TMEM132C: variants seen among roughly 807,000 people sequenced by gnomAD.
TMEM132C encodes the protein transmembrane protein 132C, also known as protein phosphatase 1, regulatory subunit 152.
In TMEM132C, 29 loss-of-function variants were observed where a neutral mutation model predicts 61.4. The observed-to-expected ratio is 0.47, with a 90% confidence interval of 0.35 to 0.64. The LOEUF is 0.64. Among genes scored for constraint, TMEM132C ranks in the 30% least tolerant of loss-of-function variants. TMEM132C has a pLI of 0.00. For missense variants in TMEM132C, 1,408 were observed against 1,476.9 expected (o/e 0.95, Z 0.76); for synonymous variants, 656 against 633.1 (o/e 1.04, Z -0.54).
rs1870429534 is a variant in TMEM132C at position 128,458,614 on chromosome 12, C to T, written c.974+42994C>T. Among the ~76,000 whole-genome samples the T allele has an allele frequency of 3.3e-5, 5 of 152,128 alleles. No homozygotes were observed. In the South Asian group the frequency reaches 1.0e-3, roughly 32 times the overall value. On this transcript the variant is annotated intron_variant, in intron 2 of 8. Transcript: ENST00000435159. ...GAGAAATGGGACAGGAAGGGCTCAT[C>T]CCTTCACATAAAAGCCGTGGTGCAC...
intron 2 of TMEM132C, among the ~76,000 whole-genome samples, chr12:128,420,586 C>A (rs1868953646): frequency 1.3e-5 from 2 of 152,200 alleles, no homozygotes; most frequent in Non-Finnish European, 2.9e-5. Flanking sequence ...GAAGGAATGT[C>A]ACGATGTAAC....
intron 1 of TMEM132C, among the ~76,000 whole-genome samples, chr12:128,295,142 T>G (rs1871366723): frequency 6.6e-6 from 1 of 152,176 alleles, no homozygotes. Flanking sequence ...CAAGGTTCTT[T>G]GAAATTCTGT....
chr12:128,562,086 T>C (rs1874541790), intron 3 of TMEM132C, among the ~76,000 whole-genome samples: 1 of 152,168 alleles, frequency 6.6e-6, no homozygotes, highest in Non-Finnish European at 1.5e-5. Context: ...CACCACCATC[T>C]ACCCCAAACT....
intron 2 of TMEM132C, among the ~76,000 whole-genome samples, chr12:128,469,311 A>G (rs1870851536): frequency 6.6e-6 from 1 of 151,436 alleles, no homozygotes; most frequent in African/African-American, 2.4e-5. Flanking sequence ...AGTGCACACA[A>G]GTAATATCAT....
At chr12:128,275,215 G>A (rs1870645793) in intron 1 of TMEM132C, among the ~76,000 whole-genome samples, 1 of 152,188 alleles carries the variant, frequency 6.6e-6, no homozygotes, top group South Asian at 2.1e-4. Flanking sequence ...TAGGAACTAG[G>A]CTGCAGAGCA....
intron 4 of TMEM132C, among the ~76,000 whole-genome samples, chr12:128,663,626 G>T (rs1158478223): frequency 6.6e-6 from 1 of 152,164 alleles, no homozygotes; most frequent in Non-Finnish European, 1.5e-5. Context: ...TAACACTTCC[G>T]TGTTAAGGAA....
intron 3 of TMEM132C, among the ~76,000 whole-genome samples, chr12:128,587,117 A>G (rs547810426): frequency 3.7e-4 from 56 of 152,250 alleles, no homozygotes; most frequent in Non-Finnish European, 6.9e-4. Flanking sequence ...TGCTGTTTCC[A>G]GTGGGTGTTG....
At chr12:128,473,690 C>T (rs1871062747) in intron 2 of TMEM132C, among the ~76,000 whole-genome samples, 1 of 152,244 alleles carries the variant, frequency 6.6e-6, no homozygotes, top group African/African-American at 2.4e-5. Context: ...ATCCTCACTC[C>T]AGCCTCCATC....
intron 5 of TMEM132C, among the ~76,000 whole-genome samples, chr12:128,675,757 A>G (rs915393820): frequency 6.6e-6 from 1 of 152,144 alleles, no homozygotes; most frequent in African/African-American, 2.4e-5. Context: ...TAGATAAGAT[A>G]GGTGATTAAT....
chr12:128,305,448 G>T (rs1355333298), intron 1 of TMEM132C, among the ~76,000 whole-genome samples: 1 of 151,820 alleles, frequency 6.6e-6, no homozygotes, highest in African/African-American at 2.4e-5. Context: ...CCTGACCTTA[G>T]TACCAAGCCT....
chr12:128,520,951 G>T (rs187010114), intron 2 of TMEM132C, among the ~76,000 whole-genome samples: 2 of 152,032 alleles, frequency 1.3e-5, no homozygotes, highest in African/African-American at 4.8e-5. Context: ...AACATCCCCT[G>T]AGTCTGCCTC....
At chr12:128,337,318 A>G (rs1467945080) in intron 1 of TMEM132C, among the ~76,000 whole-genome samples, 1 of 152,174 alleles carries the variant, frequency 6.6e-6, no homozygotes, top group African/African-American at 2.4e-5. Flanking sequence ...TGACTCCTTG[A>G]TGATATTTTT....
At chr12:128,510,244 A>G (rs747426182) in intron 2 of TMEM132C, among the ~76,000 whole-genome samples, 2 of 152,166 alleles carry the variant, frequency 1.3e-5, no homozygotes, top group Non-Finnish European at 2.9e-5. Flanking sequence ...CCTTTGAATT[A>G]TGTGATCTCT....
rs113212975 is a variant in TMEM132C, at chr12:128,429,270, A to G, written c.974+13650A>G. Among the ~76,000 whole-genome samples the G allele has an allele frequency of 5.7e-3, 868 of 152,290 alleles. 4 individuals are homozygous for G. The highest frequency in any genetic ancestry group is 0.014 in the Middle Eastern group (4 of 294). ...TAGAGATAGTGCTAGATATCCTACA[A>G]TGTGCAAGACAGCCTCCCCACTAAC... On this transcript the variant is annotated intron_variant, in intron 2 of 8. Transcript: ENST00000435159.
In TMEM132C at chr12:128,649,679, G is replaced by T. The variant is rs73428470; in HGVS notation, c.1306-19738G>T. Among the ~76,000 whole-genome samples the T allele has an allele frequency of 2.4e-3, 368 of 152,250 alleles. 3 individuals are homozygous for T. Among genetic ancestry groups the T allele is most frequent in the African/African-American group, 8.6e-3 (356 of 41,546 alleles). On this transcript the variant is annotated intron_variant, in intron 4 of 8. Transcript: ENST00000435159. ...TTGGAGAAGTATGTATTTCTCAACT[G>T]CCTCCTTTCTTGGCTAGGTTGAAAA...
intron 1 of TMEM132C, among the ~76,000 whole-genome samples, chr12:128,364,413 G>A (rs1003594972): frequency 4.0e-5 from 6 of 150,300 alleles, no homozygotes; most frequent in African/African-American, 7.3e-5. Context: ...TTGCTCTTCC[G>A]TCCCTCGGGG....
intron 1 of TMEM132C, among the ~76,000 whole-genome samples, chr12:128,410,759 A>T (rs1183770055): frequency 6.6e-6 from 1 of 152,210 alleles, no homozygotes; most frequent in Non-Finnish European, 1.5e-5. Flanking sequence ...TAGTACAATT[A>T]TCAAAATGAA....
chr12:128,454,072 A>G (rs1565941036), intron 2 of TMEM132C, among the ~76,000 whole-genome samples: 1 of 152,192 alleles, frequency 6.6e-6, no homozygotes, highest in African/African-American at 2.4e-5. Flanking sequence ...TTCCTTCTGC[A>G]TATATTTGCC....
At chr12:128,347,418 T>TCTCTCTCTCTCTCTCTCTCTCTCC (rs1565908129) in intron 1 of TMEM132C, among the ~76,000 whole-genome samples, 1 of 149,078 alleles carries the variant, frequency 6.7e-6, no homozygotes, top group African/African-American at 2.6e-5. Context: ...TCTCTCTCTC[T>TCTCTCTCTCTCTCTCTCTCTCTCC]CTCTCTCTCT....
Sources: allele counts gnomAD v4.1 joint callset (sites outside exome capture counted in the v4.1 genomes callset), GRCh38; gene constraint gnomAD v4.1.1; transcripts MANE v1.5; gene names NCBI Gene and HGNC (gene_info 2026-07-23, HGNC 2026-07-21).